COL4A2: variants seen among roughly 807,000 people sequenced by gnomAD.
COL4A2 encodes collagen type IV alpha 2 chain, also known as collagen alpha-2(IV) chain.
A neutral mutation model predicts 200.2 loss-of-function variants in COL4A2; 99 were observed. That is an observed-to-expected ratio of 0.49 (90% CI 0.42 to 0.58). The LOEUF (loss-of-function observed/expected upper bound fraction) is 0.58. Among genes scored for constraint, COL4A2 ranks in the 20% least tolerant of loss-of-function variants. The probability of loss-of-function intolerance (pLI) is 0.00; values close to 1 mark genes in which losing one functional copy is unlikely to be tolerated. For synonymous variants in COL4A2, 897 were observed against 900.6 expected (o/e 1.00, Z 0.07); for missense variants, 1,950 against 2,314.1 (o/e 0.84, Z 3.23).
chr13:110,323,494 G>A (rs1411657762), intron 3 of COL4A2, among the ~76,000 whole-genome samples: 1 of 152,346 alleles, frequency 6.6e-6, no homozygotes, highest in African/African-American at 2.4e-5. Context: ...GTAAAACCTG[G>A]AGCTGAAGAG....
chr13:110,452,253 C>T (rs1304729231), intron 20 of COL4A2, among the ~76,000 whole-genome samples: 2 of 152,386 alleles, frequency 1.3e-5, no homozygotes, highest in Admixed American at 1.3e-4. Flanking sequence ...CCTGCCTCAG[C>T]CTCCCGAGTA....
At chr13:110,466,155 A>G (rs1882232399) in intron 26 of COL4A2, 93 bp downstream of exon 26, 1 of 1,438,826 alleles carries the variant, frequency 7.0e-7, no homozygotes, top group Non-Finnish European at 9.5e-7. Flanking sequence ...GATAAGAAAT[A>G]TTAATAATAT....
chr13:110,466,903 TA>T (rs200381121), intron 26 of COL4A2, 136 bp from the exon 27 acceptor site: 21,015 of 1,060,386 alleles, frequency 0.02, 282 homozygotes, highest in Non-Finnish European at 0.023. Context: ...CAAGATGAAT[TA>T]AATCATTAAG....
chr13:110,343,146 C>A (rs982140157), intron 3 of COL4A2, among the ~76,000 whole-genome samples: 1 of 152,146 alleles, frequency 6.6e-6, no homozygotes, highest in Non-Finnish European at 1.5e-5. Flanking sequence ...TGTGTGTGGT[C>A]TCTGATTGTC....
chr13:110,492,280 C>A, intron 38 of COL4A2, 103 bp downstream of exon 38: 1 of 979,382 alleles, frequency 1.0e-6, no homozygotes. Flanking sequence ...TTCTAAGGCC[C>A]ATACGAGAGC....
Position 110,503,253 on chromosome 13 carries a change from C to T in COL4A2, c.4010C>T (p.Pro1337Leu), listed in dbSNP as rs1433959439. 6.2e-7 allele frequency: 1 copy of T among 1,609,614 alleles called. No individual in the cohort carries two copies. The highest frequency in any genetic ancestry group is 2.2e-5 in the East Asian group (1 of 44,832). ...GGGGACTCCGGGCCCCAGGGCAGGCCTGGTGTGTTTGGTCTCCCAGGAGAA... is the reference window on the plus strand; with the variant it reads ...GGGGACTCCGGGCCCCAGGGCAGGCTTGGTGTGTTTGGTCTCCCAGGAGAA... ...WAGDSGPQGRPGVFGLPGEKG... is the reference protein window; with the variant it reads ...WAGDSGPQGRLGVFGLPGEKG... The change falls in exon 42 of 48, where the codon CCT becomes CTT. Residue 1337 changes from proline to leucine, a missense_variant. Transcript: ENST00000360467.
At chr13:110,433,393 CT>C (rs923910155) in intron 11 of COL4A2, among the ~76,000 whole-genome samples, 3 of 152,368 alleles carry the variant, frequency 2.0e-5, no homozygotes. Context: ...CTCCTCACCC[CT>C]GACCAAGTCA....
At chr13:110,386,240 G>C (rs893107478) in intron 4 of COL4A2, among the ~76,000 whole-genome samples, 8 of 152,174 alleles carry the variant, frequency 5.3e-5, no homozygotes, top group African/African-American at 1.9e-4. Flanking sequence ...GTTGAGAAAC[G>C]CTAAGTAGCT....
rs748516583 is a variant in COL4A2, at chr13:110,507,910, G to C, written c.4595-25G>C. The C allele has an allele frequency of 1.6e-5, 25 of 1,609,336 alleles. No homozygotes were observed. The East Asian group carries it at 5.4e-4, about 34-fold the overall frequency. ...GCGTCTTCTAGCCACACTGCACTGT[G>C]ATCTCATGACCCCTCCTTCCACAGG... On this transcript the variant is annotated intron_variant, in intron 46 of 47. Coordinates refer to ENST00000360467, the MANE Select transcript of COL4A2 (RefSeq NM_001846.4).
intron 4 of COL4A2, among the ~76,000 whole-genome samples, chr13:110,396,912 T>C (rs2139427300): frequency 6.6e-6 from 1 of 152,344 alleles, no homozygotes; most frequent in South Asian, 2.1e-4. Context: ...GTCTAGTCAA[T>C]GTGCAAATGT....
intron 4 of COL4A2, among the ~76,000 whole-genome samples, chr13:110,408,129 A>C (rs1346588008): frequency 1.3e-5 from 2 of 152,120 alleles, no homozygotes; most frequent in Non-Finnish European, 2.9e-5. Flanking sequence ...GCAGAACAGG[A>C]ATCAGGAAGG....
chr13:110,501,155 A>T (rs1414895551), intron 40 of COL4A2, among the ~76,000 whole-genome samples: 1 of 152,234 alleles, frequency 6.6e-6, no homozygotes, highest in Non-Finnish European at 1.5e-5. Context: ...TGGGAAACAC[A>T]GAATCTGTGA....
rs754829210 is a variant in COL4A2 at position 110,424,837 on chromosome 13, C to A, written c.284C>A (p.Ala95Asp). The change falls in exon 5 of 48, where the codon GCC becomes GAC. Residue 95 changes from alanine (A) to aspartate (D), a missense_variant. Coordinates refer to ENST00000360467, the MANE Select transcript of COL4A2 (RefSeq NM_001846.4). ...AAAGGAGACAAGGGTGAAAGGGGAG[C>A]CCCCGGAGTAACGGGACCCAAGGGC... Reference protein sequence around the residue: ...GRKGDKGERGAPGVTGPKGDV... With the variant: ...GRKGDKGERGDPGVTGPKGDV... 3.1e-6 allele frequency: 5 copies of A among 1,613,606 alleles called. No homozygotes were observed. The Admixed American group carries it at 5.0e-5, about 16-fold the overall frequency.
intron 8 of COL4A2, 50 bp from the exon 9 acceptor site, chr13:110,430,351 C>T: frequency 1.3e-6 from 2 of 1,597,470 alleles, no homozygotes; most frequent in Non-Finnish European, 1.7e-6. Flanking sequence ...GTAAGTAAAT[C>T]TAAAGATGGT....
chr13:110,360,793 C>A (rs1041396585), intron 4 of COL4A2, among the ~76,000 whole-genome samples: 1 of 147,140 alleles, frequency 6.8e-6, no homozygotes, highest in Non-Finnish European at 1.5e-5. Context: ...ATACCCGCCC[C>A]CCACCCCGGG....
intron 4 of COL4A2, among the ~76,000 whole-genome samples, chr13:110,379,005 G>A (rs9583488): frequency 0.31 from 47,803 of 152,098 alleles, 7,567 homozygotes; most frequent in East Asian, 0.37. Flanking sequence ...TTTGGGCCCC[G>A]TTTGTAGTCT....
chr13:110,355,530 CACT>C (rs1877181226), intron 3 of COL4A2, among the ~76,000 whole-genome samples: 3 of 59,036 alleles, frequency 5.1e-5, no homozygotes, highest in South Asian at 9.0e-4. Context: ...GGGAGGGCTG[CACT>C]AGCTCACCTG....
intron 3 of COL4A2, among the ~76,000 whole-genome samples, chr13:110,324,293 A>G (rs1020148380): frequency 6.6e-6 from 1 of 152,112 alleles, no homozygotes; most frequent in African/African-American, 2.4e-5. Flanking sequence ...TGGTGGCCAA[A>G]ATCACACAGT....
At chr13:110,404,984 G>A (rs1879508922) in intron 4 of COL4A2, among the ~76,000 whole-genome samples, 1 of 152,180 alleles carries the variant, frequency 6.6e-6, no homozygotes, top group African/African-American at 2.4e-5. Context: ...GCATGATGGT[G>A]CATGCCTGTA....
Sources: gnomAD v4.1 joint callset for allele counts (sites outside exome capture counted in the v4.1 genomes callset) on GRCh38, gnomAD v4.1.1 for gene constraint, MANE v1.5 for transcripts, NCBI Gene and HGNC (gene_info 2026-07-23, HGNC 2026-07-21) for gene names.